The following CSMD3 variants were observed in gnomAD, a reference collection of about 807,000 sequenced individuals.
The protein encoded by CSMD3 is CUB and sushi domain-containing protein 3.
A neutral mutation model predicts 435.2 loss-of-function variants in CSMD3; 177 were observed. The ratio of observed to expected loss-of-function variants is 0.41; its 90% confidence interval spans 0.36 to 0.46. The LOEUF is 0.46. Ranked by LOEUF, CSMD3 falls within the 20% of genes least tolerant of loss-of-function variation. The probability of loss-of-function intolerance (pLI) is 0.34; values close to 1 mark genes in which losing one functional copy is unlikely to be tolerated. For synonymous variants in CSMD3, 1,656 were observed against 1,520.5 expected, an observed-to-expected ratio of 1.09 and a Z score of -2.07; for missense variants, 4,265 against 4,504.6, an observed-to-expected ratio of 0.95 and a Z score of 1.52.
intron 13 of CSMD3, among the ~76,000 whole-genome samples, chr8:112,729,583 C>T (rs536795197): frequency 6.6e-6 from 1 of 152,084 alleles, no homozygotes; most frequent in African/African-American, 2.4e-5. Context: ...ATGTAATTAA[C>T]GATTTTGGTA....
intron 4 of CSMD3, among the ~76,000 whole-genome samples, chr8:113,149,748 G>T (rs534258221): frequency 1.3e-5 from 2 of 151,930 alleles, no homozygotes; most frequent in East Asian, 3.9e-4. Context: ...AATAACTTGA[G>T]TTTTCACATA....
At position 112,264,260 on chromosome 8, in the gene CSMD3, C is replaced by G. The variant is rs957855688; in HGVS notation, c.9689-448G>C. 9.2e-5 allele frequency among the ~76,000 whole-genome samples: 14 copies of G among 152,118 alleles called. 1 individual carries two copies. The highest frequency in any genetic ancestry group is 5.2e-4 in the Admixed American group (8 of 15,262). ...CTGTGACATTTTTGAAAACACAGGT[C>G]ATATGTCTGAGTATAATATCCAAGT... is the stretch of plus-strand genomic sequence containing the variant. On this transcript the variant is annotated intron_variant, in intron 60 of 70. Coordinates refer to ENST00000297405, the MANE Select transcript of CSMD3 (RefSeq NM_198123.2).
intron 15 of CSMD3, 92 bp from the exon 16 acceptor site, chr8:112,682,728 G>T: frequency 2.2e-6 from 2 of 900,750 alleles, no homozygotes; most frequent in Non-Finnish European, 3.7e-6. Flanking sequence ...GAGAGAGAAA[G>T]AGATATTTTA....
At chr8:112,394,794 AGTAAAAT>A (rs1830729106) in intron 35 of CSMD3, among the ~76,000 whole-genome samples, 1 of 152,230 alleles carries the variant, frequency 6.6e-6, no homozygotes, top group Non-Finnish European at 1.5e-5. Flanking sequence ...GTCCTCCTCC[AGTAAAAT>A]GTAAAATGTA....
intron 13 of CSMD3, among the ~76,000 whole-genome samples, chr8:112,767,766 A>G (rs1450947933): frequency 6.6e-6 from 1 of 151,694 alleles, no homozygotes; most frequent in African/African-American, 2.4e-5. Context: ...CATTAATATC[A>G]ATTTTAAATA....
chr8:112,829,391 A>C (rs1199818585), intron 12 of CSMD3, among the ~76,000 whole-genome samples: 1 of 152,134 alleles, frequency 6.6e-6, no homozygotes, highest in Admixed American at 6.5e-5. Context: ...AAATCTGCTG[A>C]CACCTTAATC....
rs773833116 is a variant in CSMD3, at chr8:112,690,000, T to C, written c.2023A>G (p.Arg675Gly). 6.8e-6 allele frequency: 11 copies of C among 1,613,332 alleles called. No individual in the cohort carries two copies. Among genetic ancestry groups the C allele is most frequent in the Non-Finnish European group, 9.3e-6 (11 of 1,179,450 alleles). ...CGATTAGAAAATCCATCGCCTTCTC[T>C]AATTCCATATAAGGGTGTACCAGGA... ...GDPGTPLYGI[R>G]EGDGFSNRDV... The change falls in exon 14 of 71, where the codon AGA becomes GGA. Residue 675 changes from arginine to glycine, a missense_variant. Physicochemically the swap from Arg to Gly is moderately radical, Grantham distance 125. Around this residue, in one of 3 missense-constraint regions of CSMD3, gnomAD observed 279 missense variants for 369.0 expected, o/e 0.76. Transcript: ENST00000297405.
chr8:112,447,319 T>C (rs921867050), intron 32 of CSMD3, among the ~76,000 whole-genome samples: 3 of 152,170 alleles, frequency 2.0e-5, no homozygotes, highest in African/African-American at 7.2e-5. Flanking sequence ...ATGAAACTCA[T>C]GTAGCCATTA....
intron 17 of CSMD3, among the ~76,000 whole-genome samples, chr8:112,659,950 A>C (rs1389961169): frequency 6.6e-6 from 1 of 152,134 alleles, no homozygotes; most frequent in African/African-American, 2.4e-5. Context: ...ATATAGAAAA[A>C]AACTACAAAA....
rs936597708 is a variant in CSMD3 at position 112,305,035 on chromosome 8, A to G, written c.8072-120T>C. 5.3e-6 allele frequency: 4 copies of G among 759,882 alleles called. No individual in the cohort carries two copies. The African/African-American group carries it at 6.9e-5, about 13-fold the overall frequency. 47.1% of individuals were successfully genotyped at this position (759,882 alleles called of 1,614,324 possible). ...CTTGCACTATACAAGGTCCTTTAGC[A>G]TTTGTTCTTTATTTCTTTTGCATGT... is the stretch of plus-strand genomic sequence containing the variant. On this transcript the variant is annotated intron_variant, in intron 51 of 70. Transcript: ENST00000297405.
intron 1 of CSMD3, among the ~76,000 whole-genome samples, chr8:113,398,024 A>T (rs1170080715): frequency 2.0e-5 from 3 of 152,104 alleles, no homozygotes; most frequent in Admixed American, 1.3e-4. Context: ...AGTTGTGAAC[A>T]TTAAGTGAGT....
chr8:112,694,879 A>G (rs2076218398), intron 13 of CSMD3, among the ~76,000 whole-genome samples: 1 of 152,152 alleles, frequency 6.6e-6, no homozygotes, highest in Admixed American at 6.6e-5. Flanking sequence ...TCCCAGTGTG[A>G]GCGAAGCAGA....
At chr8:112,569,030 G>C (rs1049194517) in intron 24 of CSMD3, among the ~76,000 whole-genome samples, 7 of 152,064 alleles carry the variant, frequency 4.6e-5, no homozygotes, top group South Asian at 4.1e-4. Context: ...AATATTCCAG[G>C]CTGCTTTGCT....
chr8:113,229,069 G>C (rs1405235767), intron 3 of CSMD3, among the ~76,000 whole-genome samples: 1 of 151,290 alleles, frequency 6.6e-6, no homozygotes. Flanking sequence ...TCTTGCATGG[G>C]GTATCTTTGA....
chr8:112,695,600 CTA>C (rs2076234588), intron 13 of CSMD3, among the ~76,000 whole-genome samples: 1 of 152,112 alleles, frequency 6.6e-6, no homozygotes, highest in Non-Finnish European at 1.5e-5. Context: ...TAAGAGCTAT[CTA>C]TGAAAAACCC....
chr8:113,148,913 T>C (rs940113728), intron 4 of CSMD3, among the ~76,000 whole-genome samples: 1 of 151,756 alleles, frequency 6.6e-6, no homozygotes, highest in African/African-American at 2.4e-5. Context: ...TTTCTACAGG[T>C]ATAATCAGTA....
intron 10 of CSMD3, among the ~76,000 whole-genome samples, chr8:112,895,250 T>A (rs1226054745): frequency 2.6e-5 from 4 of 151,390 alleles, no homozygotes; most frequent in African/African-American, 7.3e-5. Flanking sequence ...ATAATTATTT[T>A]AAAAAATAAT....
chr8:112,612,647 C>T (rs1198000106), intron 22 of CSMD3, among the ~76,000 whole-genome samples: 1 of 150,714 alleles, frequency 6.6e-6, no homozygotes, highest in Non-Finnish European at 1.5e-5. Context: ...CATTGTGATC[C>T]TGCATGTATA....
At chr8:112,826,231 C>A (rs2079676543) in intron 12 of CSMD3, among the ~76,000 whole-genome samples, 1 of 152,208 alleles carries the variant, frequency 6.6e-6, no homozygotes, top group South Asian at 2.1e-4. Context: ...GAGATTGCTG[C>A]CACCCTTCCC....
Sources: allele counts gnomAD v4.1 joint callset (sites outside exome capture counted in the v4.1 genomes callset), GRCh38; gene constraint gnomAD v4.1.1; regional missense constraint gnomAD v4.1.1; transcripts MANE v1.5; gene names NCBI Gene and HGNC (gene_info 2026-07-23, HGNC 2026-07-21).